The following INTU variants were observed in gnomAD, a reference collection of about 807,000 sequenced individuals.
The protein encoded by INTU is inturned planar cell polarity protein.
INTU carries 68 observed loss-of-function variants against 100.5 expected under a neutral mutation model. The observed-to-expected ratio is 0.68, with a 90% confidence interval of 0.56 to 0.83. The LOEUF (loss-of-function observed/expected upper bound fraction) is 0.83. Ranked by LOEUF, INTU falls within the 40% of genes least tolerant of loss-of-function variation. INTU has a pLI of 0.00. For synonymous variants in INTU, 357 were observed against 395.7 expected (o/e 0.90, Z 1.16); for missense variants, 1,071 against 1,114.7 (o/e 0.96, Z 0.56).
intron 6 of INTU, among the ~76,000 whole-genome samples, chr4:127,682,044 C>G (rs1037296434): frequency 5.9e-5 from 9 of 151,494 alleles, no homozygotes; most frequent in African/African-American, 2.2e-4. Flanking sequence ...CAAATCAAAA[C>G]CACAATGAGA....
At chr4:127,704,440 GT>G (rs2148730024) in intron 10 of INTU, 150 bp downstream of exon 10, 1 of 633,514 alleles carries the variant, frequency 1.6e-6, no homozygotes, top group East Asian at 2.8e-5. Flanking sequence ...TAGAGACAGG[GT>G]CTTGCTCTGC....
At chr4:127,684,574 G>A (rs1729727297) in intron 7 of INTU, 88 bp downstream of exon 7, 5 of 737,120 alleles carry the variant, frequency 6.8e-6, no homozygotes, top group Non-Finnish European at 8.8e-6. Context: ...TGCTTGACAG[G>A]TTAGTTATTT....
rs902366807 is a variant in INTU at position 127,651,732 on chromosome 4, G to C, written c.683-4904G>C. On this transcript the variant is annotated intron_variant, in intron 2 of 15. Coordinates refer to ENST00000335251, the MANE Select transcript of INTU (RefSeq NM_015693.4). ...TTTTTGGTTCCATATGAACCTTAAAGTAGTTTTTTCCAATTCTGTGAAGAA... is the reference window on the plus strand; with the variant it reads ...TTTTTGGTTCCATATGAACCTTAAACTAGTTTTTTCCAATTCTGTGAAGAA... 2.3e-4 allele frequency among the ~76,000 whole-genome samples: 35 copies of C among 151,428 alleles called. 1 individual carries two copies. The highest frequency in any genetic ancestry group is 7.1e-4 in the African/African-American group (29 of 40,746).
chr4:127,704,334 G>C lies in INTU; in HGVS notation c.1566+44G>C, dbSNP rs747178115. ...TCTAAATGTCCAGCTGCTGTATAAA[G>C]AGAACTAAATTTTCAAAACTTTTAC... is the stretch of plus-strand genomic sequence containing the variant. On this transcript the variant is annotated intron_variant, in intron 10 of 15. Coordinates refer to ENST00000335251, the MANE Select transcript of INTU (RefSeq NM_015693.4). The C allele has an allele frequency of 2.1e-6, 3 of 1,421,154 alleles. No individual in the cohort carries two copies. In the Admixed American group the frequency reaches 5.9e-5, roughly 28 times the overall value. The allele number at this position is 1,421,154 out of a possible 1,614,324, so 88.0% of individuals were successfully genotyped here.
intron 8 of INTU, among the ~76,000 whole-genome samples, chr4:127,697,754 T>C (rs1483376596): frequency 3.3e-5 from 5 of 152,206 alleles, no homozygotes; most frequent in African/African-American, 1.2e-4. Flanking sequence ...AGATTTCTCA[T>C]TGTATTAAAA....
chr4:127,708,991 C>T (rs1730991707), intron 13 of INTU, among the ~76,000 whole-genome samples: 1 of 152,044 alleles, frequency 6.6e-6, no homozygotes, highest in African/African-American at 2.4e-5. Context: ...TTGGTGGATG[C>T]AGTGGTGTGC....
At chr4:127,664,470 C>A (rs1728609185) in intron 4 of INTU, among the ~76,000 whole-genome samples, 1 of 151,884 alleles carries the variant, frequency 6.6e-6, no homozygotes, top group African/African-American at 2.4e-5. Context: ...GAAATCTCCC[C>A]CTCTGATGAG....
chr4:127,681,091 T>G (rs868234269), intron 6 of INTU, among the ~76,000 whole-genome samples: 31 of 151,834 alleles, frequency 2.0e-4, no homozygotes, highest in Middle Eastern at 3.4e-3. Context: ...CACTGCTCAA[T>G]GAAATAAAAG....
chr4:127,677,878 A>G lies in INTU; in HGVS notation c.1181+3665A>G, dbSNP rs886304615. 2.0e-5 allele frequency among the ~76,000 whole-genome samples: 3 copies of G among 152,354 alleles called. No homozygotes were observed. The East Asian group carries it at 5.8e-4, about 29-fold the overall frequency. On this transcript the variant is annotated intron_variant, in intron 6 of 15. Coordinates refer to ENST00000335251, the MANE Select transcript of INTU (RefSeq NM_015693.4). ...AAAAAATTTAGATGAATGTATAACT[A>G]GAATAACCAATACAGAGAAGTGCTT...
chr4:127,649,713 A>G (rs1293565255), intron 2 of INTU, among the ~76,000 whole-genome samples: 1 of 152,148 alleles, frequency 6.6e-6, no homozygotes, highest in Non-Finnish European at 1.5e-5. Flanking sequence ...ATCTTCCCCA[A>G]AGAATATTAA....
chr4:127,676,197 A>T (rs1217245344), intron 6 of INTU: 2 of 155,130 alleles, frequency 1.3e-5, no homozygotes, highest in Non-Finnish European at 2.9e-5. Context: ...ACACAAGAGA[A>T]AAATATGTGT....
At chr4:127,681,686 G>C (rs1015785234) in intron 6 of INTU, among the ~76,000 whole-genome samples, 1 of 152,168 alleles carries the variant, frequency 6.6e-6, no homozygotes, top group African/African-American at 2.4e-5. Flanking sequence ...TCAGGACATA[G>C]GCATGGGCAA....
In INTU at chr4:127,726,294, AT is replaced by A. The variant is rs1731415094; in HGVS notation, c.*9861del. The A allele has an allele frequency of 6.6e-6, 1 of 152,120 alleles. No homozygotes were observed. The allele number at this position is 152,120 out of a possible 1,614,324, so 9.4% of individuals were successfully genotyped here. On this transcript the variant is annotated 3_prime_UTR_variant, in exon 16 of 16. Coordinates refer to ENST00000335251, the MANE Select transcript of INTU (RefSeq NM_015693.4). ...CATTTTGTAATACCTGCTTTTTTATATTTCTAATACAAATGGGCAAAGCTGT... is the reference window on the plus strand; with the variant it reads ...CATTTTGTAATACCTGCTTTTTTATATTCTAATACAAATGGGCAAAGCTGT...
chr4:127,677,649 G>A (rs900327994), intron 6 of INTU, among the ~76,000 whole-genome samples: 2 of 151,996 alleles, frequency 1.3e-5, no homozygotes, highest in Non-Finnish European at 2.9e-5. Flanking sequence ...CAAAGACGGG[G>A]AAAAAACAGA....
At chr4:127,685,469 G>A (rs1560862351) in intron 7 of INTU, 1 of 455,720 alleles carries the variant, frequency 2.2e-6, no homozygotes, top group Admixed American at 2.4e-5. Flanking sequence ...CTGTGATTGT[G>A]TCATCTGGGA....
At chr4:127,685,924 CTT>C (rs1436986361) in intron 7 of INTU, 4 of 152,438 alleles carry the variant, frequency 2.6e-5, no homozygotes, top group Admixed American at 2.6e-4. Context: ...AAATTTAACT[CTT>C]TTCTACTTCA....
intron 2 of INTU, among the ~76,000 whole-genome samples, chr4:127,656,037 C>A (rs1361316406): frequency 6.6e-6 from 1 of 152,230 alleles, no homozygotes; most frequent in East Asian, 1.9e-4. Flanking sequence ...ACTCCCTGAC[C>A]CCTTGCGCTT....
At position 127,702,192 on chromosome 4, in the gene INTU, TA is replaced by T. The variant is rs979186647; in HGVS notation, c.1504-2026del. Among the ~76,000 whole-genome samples, 314 of 146,376 alleles carry T rather than the reference TA, an allele frequency of 2.1e-3. 1 individual carries two copies. Among genetic ancestry groups the T allele is most frequent in the African/African-American group, 6.5e-3 (259 of 39,908 alleles). ...ATCTATTTTGATTCCTTAGATACAG[TA>T]AAAAAAAAAGAAAGAAAACCATAAT... On this transcript the variant is annotated intron_variant, in intron 9 of 15. Coordinates refer to ENST00000335251, the MANE Select transcript of INTU (RefSeq NM_015693.4).
chr4:127,714,792 C>T (rs199498811), intron 15 of INTU, among the ~76,000 whole-genome samples: 1 of 151,904 alleles, frequency 6.6e-6, no homozygotes. Flanking sequence ...CTGTCTTGTC[C>T]ACCACTGGCA....
Sources: gnomAD v4.1 joint callset for allele counts (sites outside exome capture counted in the v4.1 genomes callset) on GRCh38, gnomAD v4.1.1 for gene constraint, MANE v1.5 for transcripts, NCBI Gene and HGNC (gene_info 2026-07-23, HGNC 2026-07-21) for gene names.